The following SORCS3 variants were observed in gnomAD, a reference collection of about 807,000 sequenced individuals.
SORCS3 encodes the protein sortilin related VPS10 domain containing receptor 3.
Under a neutral mutation model 146.3 loss-of-function variants are expected in SORCS3, and 57 were observed. That is an observed-to-expected ratio of 0.39 (90% confidence interval 0.31 to 0.49). SORCS3 has a LOEUF of 0.49. Ranked by LOEUF, SORCS3 falls within the 20% of genes least tolerant of loss-of-function variation. SORCS3 has a pLI of 0.92. For synonymous variants in SORCS3, 653 were observed against 618.5 expected (o/e 1.06, Z -0.83); for missense variants, 1,341 against 1,575.5 (o/e 0.85, Z 2.52).
At chr10:105,000,234 TAA>T (rs1488471890) in intron 4 of SORCS3, among the ~76,000 whole-genome samples, 1 of 152,176 alleles carries the variant, frequency 6.6e-6, no homozygotes, top group Admixed American at 6.5e-5. Context: ...AGCACTGTGC[TAA>T]GTGTATTACT....
intron 9 of SORCS3, among the ~76,000 whole-genome samples, chr10:105,148,292 G>A (rs806469): frequency 0.52 from 79,162 of 151,836 alleles, 20,950 homozygotes; most frequent in Middle Eastern, 0.56. Flanking sequence ...ACCAGATGCC[G>A]ACATCTATGC....
intron 1 of SORCS3, among the ~76,000 whole-genome samples, chr10:104,777,017 G>T (rs1180565969): frequency 1.3e-5 from 2 of 151,730 alleles, no homozygotes; most frequent in Admixed American, 1.3e-4. Flanking sequence ...GGTGGTGGGG[G>T]GTGGAGGCTT....
intron 4 of SORCS3, among the ~76,000 whole-genome samples, chr10:105,013,294 A>G (rs2055145872): frequency 6.6e-6 from 1 of 152,158 alleles, no homozygotes; most frequent in South Asian, 2.1e-4. Context: ...ATTATTTTTA[A>G]TAGTAAAACA....
At chr10:104,787,891 AG>A (rs1343562350) in intron 1 of SORCS3, among the ~76,000 whole-genome samples, 1 of 152,208 alleles carries the variant, frequency 6.6e-6, no homozygotes, top group Non-Finnish European at 1.5e-5. Context: ...CTGTGAAAAC[AG>A]GGCTTACAAT....
intron 1 of SORCS3, among the ~76,000 whole-genome samples, chr10:104,747,518 G>A (rs1180348970): frequency 6.6e-6 from 1 of 152,172 alleles, no homozygotes; most frequent in Non-Finnish European, 1.5e-5. Flanking sequence ...AGAAATCTAT[G>A]ACAGATGCAT....
chr10:104,846,829 G>T (rs1350310620), intron 2 of SORCS3, among the ~76,000 whole-genome samples: 1 of 152,270 alleles, frequency 6.6e-6, no homozygotes, highest in African/African-American at 2.4e-5. Flanking sequence ...AGTTCATGAG[G>T]TTGGGGACTG....
chr10:105,196,051 G>A (rs375572517), intron 14 of SORCS3, among the ~76,000 whole-genome samples: 23 of 67,848 alleles, frequency 3.4e-4, no homozygotes, highest in African/African-American at 1.3e-3. Flanking sequence ...CAGAACAATC[G>A]AACAAGTCTG....
At chr10:104,801,138 T>TG (rs1180523441) in intron 1 of SORCS3, among the ~76,000 whole-genome samples, 3 of 152,240 alleles carry the variant, frequency 2.0e-5, no homozygotes, top group Non-Finnish European at 4.4e-5. Flanking sequence ...ATCCCATTTC[T>TG]GCCACTCATT....
At chr10:104,663,557 C>T (rs2015729190) in intron 1 of SORCS3, among the ~76,000 whole-genome samples, 1 of 152,142 alleles carries the variant, frequency 6.6e-6, no homozygotes, top group Non-Finnish European at 1.5e-5. Flanking sequence ...TGGTGGCTCC[C>T]TCGCTCCCCA....
chr10:105,214,029 A>G (rs980380910), intron 17 of SORCS3, among the ~76,000 whole-genome samples: 1 of 152,128 alleles, frequency 6.6e-6, no homozygotes, highest in Non-Finnish European at 1.5e-5. Context: ...GGTACAGAGA[A>G]AGCTGGAGAT....
intron 3 of SORCS3, among the ~76,000 whole-genome samples, chr10:104,970,651 T>C (rs937322919): frequency 4.6e-5 from 7 of 152,198 alleles, no homozygotes; most frequent in African/African-American, 1.4e-4. Context: ...AAAGTCATTA[T>C]ACTGCTCCAT....
chr10:104,953,218 A>T (rs1389399039), intron 3 of SORCS3, among the ~76,000 whole-genome samples: 1 of 152,198 alleles, frequency 6.6e-6, no homozygotes, highest in Non-Finnish European at 1.5e-5. Context: ...GGTCTAAGGA[A>T]CTGACCCATC....
chr10:104,688,851 A>C (rs1013201540), intron 1 of SORCS3, among the ~76,000 whole-genome samples: 3 of 152,144 alleles, frequency 2.0e-5, no homozygotes, highest in African/African-American at 7.2e-5. Context: ...ATTGGCAGCA[A>C]GTCCTTGAGT....
intron 14 of SORCS3, among the ~76,000 whole-genome samples, chr10:105,196,882 T>A (rs2056547034): frequency 6.6e-6 from 1 of 152,188 alleles, no homozygotes; most frequent in South Asian, 2.1e-4. Flanking sequence ...CTTGTAGTTC[T>A]GGAGTTTAGA....
chr10:105,136,836 T>G (rs992308648), intron 7 of SORCS3, among the ~76,000 whole-genome samples: 1 of 152,316 alleles, frequency 6.6e-6, no homozygotes, highest in East Asian at 1.9e-4. Context: ...GGCCTTCATA[T>G]AGCCCCTTTA....
chr10:104,825,859 C>G (rs947166766), intron 1 of SORCS3, among the ~76,000 whole-genome samples: 1 of 152,128 alleles, frequency 6.6e-6, no homozygotes, highest in African/African-American at 2.4e-5. Flanking sequence ...TACACAAAAC[C>G]AGAACAACCC....
At chr10:104,649,442 CTTTAG>C (rs1226567208) in intron 1 of SORCS3, among the ~76,000 whole-genome samples, 1 of 152,194 alleles carries the variant, frequency 6.6e-6, no homozygotes, top group Non-Finnish European at 1.5e-5. Context: ...ACTCAAGATA[CTTTAG>C]TTTAGTTGTT....
At chr10:104,807,824 C>T (rs1356573709) in intron 1 of SORCS3, among the ~76,000 whole-genome samples, 2 of 152,084 alleles carry the variant, frequency 1.3e-5, no homozygotes, top group Non-Finnish European at 2.9e-5. Flanking sequence ...GGGAGTTGTC[C>T]TCACACCAGA....
intron 9 of SORCS3, 105 bp downstream of exon 9, chr10:105,147,901 C>A: frequency 1.1e-6 from 1 of 933,026 alleles, no homozygotes; most frequent in Non-Finnish European, 1.6e-6. Context: ...TCCAGCTGTA[C>A]CACTTAGCAA....
Sources: allele counts gnomAD v4.1 joint callset (sites outside exome capture counted in the v4.1 genomes callset), GRCh38; gene constraint gnomAD v4.1.1; transcripts MANE v1.5; gene names NCBI Gene and HGNC (gene_info 2026-07-23, HGNC 2026-07-21).